KIRREL3: variants seen among roughly 807,000 people sequenced by gnomAD.
KIRREL3 encodes kin of IRRE-like protein 3.
KIRREL3 carries 36 observed loss-of-function variants against 89.7 expected under a neutral mutation model. The observed-to-expected ratio is 0.40, with a 90% CI of 0.31 to 0.53. The LOEUF (loss-of-function observed/expected upper bound fraction) is 0.53. Ranked by LOEUF, KIRREL3 falls within the 20% of genes least tolerant of loss-of-function variation. KIRREL3 has a pLI of 0.49. For missense variants in KIRREL3, 864 were observed against 1,056.6 expected, an observed-to-expected ratio of 0.82 and a Z score of 2.53; for synonymous variants, 445 against 441.4, an observed-to-expected ratio of 1.01 and a Z score of -0.10.
intron 1 of KIRREL3, among the ~76,000 whole-genome samples, chr11:126,866,821 C>A (rs1478292774): frequency 1.3e-5 from 2 of 152,124 alleles, no homozygotes; most frequent in Non-Finnish European, 2.9e-5. Context: ...CACTGCGTGG[C>A]CTGACTCCAG....
At chr11:126,448,232 G>A (rs2134200828) in intron 8 of KIRREL3, among the ~76,000 whole-genome samples, 1 of 142,188 alleles carries the variant, frequency 7.0e-6, no homozygotes, top group South Asian at 2.2e-4. Flanking sequence ...GCAGTGAGCA[G>A]AGATCTTGCC....
At chr11:126,693,954 C>T (rs981104025) in intron 1 of KIRREL3, among the ~76,000 whole-genome samples, 5 of 152,206 alleles carry the variant, frequency 3.3e-5, no homozygotes, top group African/African-American at 1.2e-4. Flanking sequence ...TCTTCTCGGG[C>T]CCTCAAAACT....
chr11:126,723,221 C>T lies in KIRREL3; in HGVS notation c.56-160309G>A, dbSNP rs1948249415. Among the ~76,000 whole-genome samples, 1 of 152,164 alleles carries T rather than the reference C, an allele frequency of 6.6e-6. No individual in the cohort carries two copies. Among genetic ancestry groups the T allele is most frequent in the Non-Finnish European group, 1.5e-5 (1 of 68,038 alleles). On this transcript the variant is annotated intron_variant, in intron 1 of 16. Coordinates refer to ENST00000525144, the MANE Select transcript of KIRREL3 (RefSeq NM_032531.4). This position sits in a 1 kb window ranked among gnomAD's most constrained non-coding sequence, Gnocchi z 4.0. ...GTACTTAGCATACAGAGCTGGATTT[C>T]CCCCACTGAAACCTCCACAGCCCTC...
At chr11:126,974,322 C>T (rs570896134) in intron 1 of KIRREL3, among the ~76,000 whole-genome samples, 34 of 152,240 alleles carry the variant, frequency 2.2e-4, no homozygotes, top group South Asian at 1.2e-3. Context: ...CATCACTTAA[C>T]GGAGATACGT....
intron 1 of KIRREL3, among the ~76,000 whole-genome samples, chr11:126,973,100 GAAAAAAA>G (rs11449960): frequency 8.4e-6 from 1 of 119,636 alleles, no homozygotes; most frequent in African/African-American, 3.3e-5. Flanking sequence ...AAGTTTTGAG[GAAAAAAA>G]AAAAAAAAAA....
At chr11:126,524,049 C>A (rs943506525) in intron 3 of KIRREL3, among the ~76,000 whole-genome samples, 2 of 152,196 alleles carry the variant, frequency 1.3e-5, no homozygotes, top group Admixed American at 1.3e-4. Flanking sequence ...TTGCTACTCC[C>A]AAAGGAGGCA....
In KIRREL3 at chr11:126,989,344, G is replaced by A. The variant is rs187025181; in HGVS notation, c.55+11111C>T. 1.5e-4 allele frequency among the ~76,000 whole-genome samples: 23 copies of A among 152,320 alleles called. No individual in the cohort carries two copies. In the East Asian group the frequency reaches 4.4e-3, roughly 29 times the overall value. ...GGCTGGCACTGTGGGGACGAAGGGG[G>A]CAGTGGCAGCTCACCCTGATGCAGA... is the stretch of plus-strand genomic sequence containing the variant. On this transcript the variant is annotated intron_variant, in intron 1 of 16. Coordinates refer to ENST00000525144, the MANE Select transcript of KIRREL3 (RefSeq NM_032531.4). This position sits in a 1 kb window ranked among gnomAD's most constrained non-coding sequence, Gnocchi z 6.2.
intron 1 of KIRREL3, among the ~76,000 whole-genome samples, chr11:126,799,012 CTGTG>C (rs1245395442): frequency 6.6e-6 from 1 of 151,292 alleles, no homozygotes; most frequent in African/African-American, 2.4e-5. Flanking sequence ...CTGTGTGTGC[CTGTG>C]TGTATCTGTG....
chr11:126,446,133 C>A (rs6590208), intron 9 of KIRREL3, among the ~76,000 whole-genome samples: 116,457 of 139,100 alleles, frequency 0.84, 49,006 homozygotes, highest in African/African-American at 0.91. Flanking sequence ...GGGCAACAAG[C>A]GCAAAACTCC....
rs1280329952 is a variant in KIRREL3, at chr11:126,705,086, TA to T, written c.56-142175del. Among the ~76,000 whole-genome samples, 1 of 152,106 alleles carries T rather than the reference TA, an allele frequency of 6.6e-6. No individual in the cohort carries two copies. The highest frequency in any genetic ancestry group is 1.5e-5 in the Non-Finnish European group (1 of 68,006). On this transcript the variant is annotated intron_variant, in intron 1 of 16. Transcript: ENST00000525144. The surrounding 1 kb of genome is among the most constrained non-coding windows in gnomAD (Gnocchi z 4.3). The stretch of plus-strand genomic sequence containing the variant: ...GCTCAAGACATAGGTTTGGTTTTCT[TA>T]AAAAAAGGTTTTCTTAATTCAAAAA...
intron 1 of KIRREL3, among the ~76,000 whole-genome samples, chr11:126,728,265 A>G (rs185768710): frequency 6.6e-6 from 1 of 152,124 alleles, no homozygotes; most frequent in East Asian, 1.9e-4. Context: ...GAAGCCCCCA[A>G]GCCTCAGCTT....
rs689316 is a variant in KIRREL3, at chr11:126,607,546, G to A, written c.56-44634C>T. On this transcript the variant is annotated intron_variant, in intron 1 of 16. Coordinates refer to ENST00000525144, the MANE Select transcript of KIRREL3 (RefSeq NM_032531.4). The surrounding 1 kb of genome is among the most constrained non-coding windows in gnomAD (Gnocchi z 6.6). The stretch of plus-strand genomic sequence containing the variant: ...TGGGCTCCCGCTGGAGAGAAGCAGC[G>A]CTCCACGTTCAAAGACCATTATTGC... Among the ~76,000 whole-genome samples, 144,583 of 152,182 alleles carry A rather than the reference G, an allele frequency of 0.95. 68,810 individuals carry two copies. Among genetic ancestry groups the A allele is most frequent in the East Asian group, 1 (5,159 of 5,160 alleles).
rs1009503936 is a variant in KIRREL3, at chr11:126,742,794, C to A, written c.56-179882G>T. Among the ~76,000 whole-genome samples the A allele has an allele frequency of 6.6e-6, 1 of 152,360 alleles. No homozygotes were observed. Among genetic ancestry groups the A allele is most frequent in the East Asian group, 1.9e-4 (1 of 5,192 alleles). On this transcript the variant is annotated intron_variant, in intron 1 of 16. Transcript: ENST00000525144. The surrounding 1 kb of genome is among the most constrained non-coding windows in gnomAD (Gnocchi z 5.3). ...GTTAGGCAGCTAGAACGTTATTGAT[C>A]AACAACTTTGCCACATCACTGGCAC...
In KIRREL3 at chr11:126,797,698, G is replaced by A. The variant is rs1950857884; in HGVS notation, c.55+202757C>T. 6.6e-6 allele frequency among the ~76,000 whole-genome samples: 1 copy of A among 152,120 alleles called. No homozygotes were observed. The highest frequency in any genetic ancestry group is 1.5e-5 in the Non-Finnish European group (1 of 68,026). On this transcript the variant is annotated intron_variant, in intron 1 of 16. Coordinates refer to ENST00000525144, the MANE Select transcript of KIRREL3 (RefSeq NM_032531.4). This position sits in a 1 kb window ranked among gnomAD's most constrained non-coding sequence, Gnocchi z 4.9. Reference sequence around the variant, plus strand: ...ATCAGCACTGGGTCGATGTATATGAGGAAAGCACAGAATCACATGGTTGAA... The same window carrying A: ...ATCAGCACTGGGTCGATGTATATGAAGAAAGCACAGAATCACATGGTTGAA...
At position 127,000,370 on chromosome 11, in the gene KIRREL3, G is replaced by A; in HGVS notation, c.55+85C>T. 5.1e-6 allele frequency: 6 copies of A among 1,165,224 alleles called. No individual in the cohort carries two copies. The highest frequency in any genetic ancestry group is 7.4e-6 in the Non-Finnish European group (6 of 815,896). 72.2% of individuals were successfully genotyped at this position (1,165,224 alleles called of 1,614,324 possible). A position where few individuals can be genotyped will look rare whatever the true frequency, so the allele number is the denominator to read the frequency against. ...GCATCCATCAGTCCGAGTTCCCGAA[G>A]CCTGCCCACGTTCCTGCCCACAGCC... On this transcript the variant is annotated intron_variant, in intron 1 of 16. Coordinates refer to ENST00000525144, the MANE Select transcript of KIRREL3 (RefSeq NM_032531.4). This position sits in a 1 kb window ranked among gnomAD's most constrained non-coding sequence, Gnocchi z 7.1.
Position 126,431,288 on chromosome 11 carries a change from C to T in KIRREL3, c.1696+131G>A, listed in dbSNP as rs1328133551. The T allele has an allele frequency of 1.2e-5, 18 of 1,550,716 alleles. No homozygotes were observed. The East Asian group carries it at 4.2e-4, about 36-fold the overall frequency. ...TACACCGATGCATCAGACCCACTCC[C>T]TGCCCCAGGAGCTCACAGCACTGTT... On this transcript the variant is annotated intron_variant, in intron 14 of 16. Coordinates refer to ENST00000525144, the MANE Select transcript of KIRREL3 (RefSeq NM_032531.4). This position sits in a 1 kb window ranked among gnomAD's most constrained non-coding sequence, Gnocchi z 7.1.
At position 126,843,703 on chromosome 11, in the gene KIRREL3, G is replaced by C. The variant is rs929064215; in HGVS notation, c.55+156752C>G. ...AAGTTAATCACAGAATGAGATAGGA[G>C]GTCAGCACAAGATACAGGTCATGGA... On this transcript the variant is annotated intron_variant, in intron 1 of 16. Coordinates refer to ENST00000525144, the MANE Select transcript of KIRREL3 (RefSeq NM_032531.4). This position sits in a 1 kb window ranked among gnomAD's most constrained non-coding sequence, Gnocchi z 4.6. 2.6e-5 allele frequency among the ~76,000 whole-genome samples: 4 copies of C among 152,110 alleles called. No homozygotes were observed. The highest frequency in any genetic ancestry group is 2.6e-4 in the Admixed American group (4 of 15,274).
Position 126,429,029 on chromosome 11 carries a change from G to A in KIRREL3, c.1806+150C>T. The A allele has an allele frequency of 3.3e-6, 2 of 610,652 alleles. No homozygotes were observed. The highest frequency in any genetic ancestry group is 3.0e-6 in the Non-Finnish European group (1 of 337,336). 37.8% of individuals were successfully genotyped at this position (610,652 alleles called of 1,614,324 possible). On this transcript the variant is annotated intron_variant, in intron 15 of 16. Transcript: ENST00000525144. This position sits in a 1 kb window ranked among gnomAD's most constrained non-coding sequence, Gnocchi z 5.2. ...ACACACTCACATTTGTTGGCTGAGA[G>A]TGTGTGCCTCACCTATTGTGGGGTG...
Position 126,971,326 on chromosome 11 carries a change from A to G in KIRREL3, c.55+29129T>C, listed in dbSNP as rs560156684. On this transcript the variant is annotated intron_variant, in intron 1 of 16. Coordinates refer to ENST00000525144, the MANE Select transcript of KIRREL3 (RefSeq NM_032531.4). ...CCCCAGTTTTCCCAGCTATAACCTGAGAATAATGATCTTTATCTAAAAGAT... is the reference window on the plus strand; with the variant it reads ...CCCCAGTTTTCCCAGCTATAACCTGGGAATAATGATCTTTATCTAAAAGAT... Among the ~76,000 whole-genome samples the G allele has an allele frequency of 1.4e-4, 21 of 152,330 alleles. No individual in the cohort carries two copies. The South Asian group carries it at 4.1e-3, about 30-fold the overall frequency.
Sources: gnomAD v4.1 joint callset for allele counts (sites outside exome capture counted in the v4.1 genomes callset) on GRCh38, gnomAD v4.1.1 for gene constraint, Gnocchi (gnomAD v3.1) non-coding constraint, MANE v1.5 for transcripts, NCBI Gene and HGNC (gene_info 2026-07-23, HGNC 2026-07-21) for gene names.